CACNA1C: variants seen among roughly 807,000 people sequenced by gnomAD.
The protein encoded by CACNA1C is calcium voltage-gated channel subunit alpha1 C.
CACNA1C carries 30 observed loss-of-function variants against 229.0 expected under a neutral mutation model. The ratio of observed to expected loss-of-function variants is 0.13; its 90% CI spans 0.10 to 0.18. CACNA1C has a LOEUF of 0.18. CACNA1C is among the 10% of genes least tolerant of loss of function. The pLI, the probability that CACNA1C is intolerant of heterozygous loss-of-function variation, is 1.00. For missense variants in CACNA1C, 1,658 were observed against 2,845.0 expected, an observed-to-expected ratio of 0.58 and a Z score of 9.49; for synonymous variants, 1,114 against 1,132.5, an observed-to-expected ratio of 0.98 and a Z score of 0.33.
At chr12:2,274,255 C>A (rs2086635182) in intron 3 of CACNA1C, among the ~76,000 whole-genome samples, 2 of 152,198 alleles carry the variant, frequency 1.3e-5, no homozygotes, top group Non-Finnish European at 2.9e-5. Flanking sequence ...TATGAGCACT[C>A]CCGAGTCGTT....
chr12:2,092,271 C>A (rs113804358), intron 1 of CACNA1C, among the ~76,000 whole-genome samples: 4 of 152,340 alleles, frequency 2.6e-5, no homozygotes, highest in African/African-American at 7.2e-5. Context: ...ATACTGCACA[C>A]CCTGTAAGCC....
At chr12:2,026,356 C>T (rs2047320832) in intron 1 of CACNA1C, among the ~76,000 whole-genome samples, 1 of 152,154 alleles carries the variant, frequency 6.6e-6, no homozygotes, top group African/African-American at 2.4e-5. Context: ...TGGATGGTCC[C>T]ATCTGTGTAT....
intron 1 of CACNA1C, among the ~76,000 whole-genome samples, chr12:2,008,335 A>T (rs1343789344): frequency 6.6e-6 from 1 of 151,166 alleles, no homozygotes; most frequent in African/African-American, 2.4e-5. Flanking sequence ...CTCAGGATGG[A>T]GATGTTATTT....
chr12:1,976,315 T>C (rs2034347049), intron 1 of CACNA1C, among the ~76,000 whole-genome samples: 1 of 152,208 alleles, frequency 6.6e-6, no homozygotes, highest in South Asian at 2.1e-4. Flanking sequence ...AAAGGAGACT[T>C]AGAGACACAA....
intron 3 of CACNA1C, among the ~76,000 whole-genome samples, chr12:2,426,431 A>G (rs2099032870): frequency 6.6e-6 from 1 of 152,258 alleles, no homozygotes. Context: ...GGATACATGC[A>G]GTAGATACTT....
rs575637422 is a variant in CACNA1C at position 2,043,748 on chromosome 12, C to T, written c.140-71476C>T. On this transcript the variant is annotated intron_variant, in intron 1 of 46. Transcript: ENST00000682462. ...TCGGCTCACTGCAAGCTCCGCTTCC[C>T]GGGTTCACGCCATTCTCCTGCCTCA... Among the ~76,000 whole-genome samples the T allele has an allele frequency of 8.9e-4, 127 of 142,964 alleles. 3 individuals carry two copies. The highest frequency in any genetic ancestry group is 9.1e-4 in the South Asian group (4 of 4,414). 93.8% of individuals were successfully genotyped at this position (142,964 alleles called of 152,430 possible). A position where few individuals can be genotyped will look rare whatever the true frequency, so the allele number is the denominator to read the frequency against.
chr12:2,233,963 T>A (rs2066322041), intron 3 of CACNA1C, among the ~76,000 whole-genome samples: 1 of 152,234 alleles, frequency 6.6e-6, no homozygotes. Context: ...ATGGGCATGA[T>A]CCTTACTCCC....
chr12:2,241,477 T>C (rs2070209305), intron 3 of CACNA1C, among the ~76,000 whole-genome samples: 1 of 152,052 alleles, frequency 6.6e-6, no homozygotes, highest in Non-Finnish European at 1.5e-5. Flanking sequence ...ATGGGATCAA[T>C]TGCAAAACGT....
intron 1 of CACNA1C, among the ~76,000 whole-genome samples, chr12:2,111,999 G>T (rs568629798): frequency 6.6e-6 from 1 of 152,216 alleles, no homozygotes; most frequent in South Asian, 2.1e-4. Flanking sequence ...AGAAGCCCAG[G>T]AGGAGGCGTG....
chr12:2,412,777 G>A (rs2098822903), intron 3 of CACNA1C, among the ~76,000 whole-genome samples: 1 of 152,180 alleles, frequency 6.6e-6, no homozygotes. Flanking sequence ...AAGGGGCTAT[G>A]CTGGAGGAAT....
intron 3 of CACNA1C, among the ~76,000 whole-genome samples, chr12:2,370,723 A>G (rs1485633382): frequency 6.6e-6 from 1 of 152,244 alleles, no homozygotes; most frequent in Non-Finnish European, 1.5e-5. Context: ...ATGCTAAGTT[A>G]TGGGCTCAGC....
chr12:2,365,752 T>G (rs2097703694), intron 3 of CACNA1C, among the ~76,000 whole-genome samples: 1 of 152,174 alleles, frequency 6.6e-6, no homozygotes, highest in East Asian at 1.9e-4. Context: ...AACATATAAA[T>G]AAAGTACCAT....
intron 1 of CACNA1C, among the ~76,000 whole-genome samples, chr12:2,105,839 C>T (rs67672356): frequency 6.5e-5 from 2 of 30,788 alleles, no homozygotes; most frequent in Non-Finnish European, 1.5e-4. Flanking sequence ...AGCCACTGGG[C>T]GCCCACCCTG....
intron 44 of CACNA1C, 59 bp from the exon 45 acceptor site, chr12:2,686,107 G>A (rs2097463155): frequency 1.5e-6 from 2 of 1,349,144 alleles, no homozygotes; most frequent in Admixed American, 3.3e-5. Flanking sequence ...GGTGTAAACT[G>A]TCACAGGCCA....
intron 3 of CACNA1C, among the ~76,000 whole-genome samples, chr12:2,185,604 A>G (rs924335019): frequency 1.3e-5 from 2 of 152,198 alleles, no homozygotes; most frequent in African/African-American, 4.8e-5. Context: ...ATAGAAGGAA[A>G]AGCATGTGAA....
At chr12:2,141,496 G>A (rs1186168156) in intron 3 of CACNA1C, among the ~76,000 whole-genome samples, 1 of 151,346 alleles carries the variant, frequency 6.6e-6, no homozygotes, top group African/African-American at 2.4e-5. Context: ...GCTCTTGTGA[G>A]GTGTTTTCCC....
chr12:2,436,860 C>A (rs2099139694), intron 3 of CACNA1C, among the ~76,000 whole-genome samples: 1 of 152,238 alleles, frequency 6.6e-6, no homozygotes, highest in South Asian at 2.1e-4. Context: ...GGTTCAACTG[C>A]TTCCCCCAGG....
Position 2,410,683 on chromosome 12 carries a change from G to A in CACNA1C, c.478-38293G>A, listed in dbSNP as rs2098796823. ...TGTGTTCCAGGAGCTGACTCTAGCT[G>A]TGAGGATGGCTCGCCTGTGTGTGTG... On this transcript the variant is annotated intron_variant, in intron 3 of 46. Transcript: ENST00000399655. The surrounding 1 kb of genome is among the most constrained non-coding windows in gnomAD (Gnocchi z 5.3). Among the ~76,000 whole-genome samples, 1 of 150,240 alleles carries A rather than the reference G, an allele frequency of 6.7e-6. No individual in the cohort carries two copies. The highest frequency in any genetic ancestry group is 2.1e-4 in the South Asian group (1 of 4,670).
chr12:2,439,998 C>T (rs1364373884), intron 3 of CACNA1C, among the ~76,000 whole-genome samples: 1 of 152,164 alleles, frequency 6.6e-6, no homozygotes, highest in Non-Finnish European at 1.5e-5. Flanking sequence ...AGCATTGCCC[C>T]ACCTCCCTGC....
Sources: gnomAD v4.1 joint callset for allele counts (sites outside exome capture counted in the v4.1 genomes callset) on GRCh38, gnomAD v4.1.1 for gene constraint, Gnocchi (gnomAD v3.1) non-coding constraint, MANE v1.5 for transcripts, NCBI Gene and HGNC (gene_info 2026-07-23, HGNC 2026-07-21) for gene names.